The following STAP1 variants were observed in gnomAD, a reference collection of about 807,000 sequenced individuals.
STAP1 encodes the protein signal-transducing adaptor protein 1.
In STAP1, 30 loss-of-function variants were observed where a neutral mutation model predicts 37.8. The ratio of observed to expected loss-of-function variants is 0.79; its 90% CI spans 0.59 to 1.08. The LOEUF (loss-of-function observed/expected upper bound fraction) is 1.08. Among genes scored for constraint, STAP1 ranks in the 50% least tolerant of loss-of-function variants. STAP1 has a pLI of 0.00. For synonymous variants in STAP1, 130 were observed against 116.0 expected, an observed-to-expected ratio of 1.12 and a Z score of -0.78; for missense variants, 357 against 349.4, an observed-to-expected ratio of 1.02 and a Z score of -0.17.
rs1231022004 is a variant in STAP1, at chr4:67,581,362, G to T, written c.421G>T (p.Val141Phe). The T allele has an allele frequency of 6.2e-7, 1 of 1,613,980 alleles. No homozygotes were observed. Among genetic ancestry groups the T allele is most frequent in the African/African-American group, 1.3e-5 (1 of 74,922 alleles). The change falls in exon 5 of 9, where the codon GTC becomes TTC. Residue 141 changes from valine to phenylalanine, a missense_variant. Physicochemically the swap from Val to Phe is conservative, Grantham distance 50 (BLOSUM62 -1). Transcript: ENST00000265404. ...TGGGCAAGTAATTAAACTGCATGAA[G>T]TCCTAGAGAGAGAAAAGAAAAGGAG... ...LPGQVIKLHE[V>F]LEREKKRRIE...
chr4:67,578,611 G>A (rs1308568959), intron 4 of STAP1, among the ~76,000 whole-genome samples: 4 of 152,076 alleles, frequency 2.6e-5, no homozygotes, highest in Admixed American at 1.3e-4. Flanking sequence ...TTCCAATACC[G>A]GGTATAACTA....
rs781399546 is a variant in STAP1 at position 67,575,386 on chromosome 4, A to G, written c.194A>G (p.Tyr65Cys). The change falls in exon 3 of 9, where the codon TAT becomes TGT. Residue 65 changes from tyrosine (Y) to cysteine (C), a missense_variant and splice_region_variant. Coordinates refer to ENST00000265404, the MANE Select transcript of STAP1 (RefSeq NM_012108.4). Reference sequence around the variant, plus strand: ...TGTGATCTTCCTTTATCTTTGCAGTATGTTGACAAATTAGACATAGTAGAC... The same window carrying G: ...TGTGATCTTCCTTTATCTTTGCAGTGTGTTGACAAATTAGACATAGTAGAC... Reference protein sequence around the residue: ...FFYTDKKSIIYVDKLDIVDLT... With the variant: ...FFYTDKKSIICVDKLDIVDLT... The G allele has an allele frequency of 2.5e-6, 4 of 1,578,170 alleles. No homozygotes were observed. In the Admixed American group the frequency reaches 5.9e-5, roughly 23 times the overall value.
chr4:67,601,844 C>A (rs1212124579), intron 8 of STAP1, among the ~76,000 whole-genome samples: 1 of 152,094 alleles, frequency 6.6e-6, no homozygotes, highest in Non-Finnish European at 1.5e-5. Flanking sequence ...GTGAAATCTG[C>A]TTGGTGTTCT....
intron 1 of STAP1, among the ~76,000 whole-genome samples, chr4:67,570,262 G>A (rs184865155): frequency 2.3e-4 from 35 of 152,190 alleles, no homozygotes; most frequent in Admixed American, 1.4e-3. Flanking sequence ...ATTATTTACT[G>A]TACATAATTA....
Position 67,575,953 on chromosome 4 carries a change from C to A in STAP1, c.306+455C>A, listed in dbSNP as rs1387047824. 3.9e-5 allele frequency among the ~76,000 whole-genome samples: 6 copies of A among 152,158 alleles called. No individual in the cohort carries two copies. In the East Asian group the frequency reaches 9.6e-4, roughly 24 times the overall value. On this transcript the variant is annotated intron_variant, in intron 3 of 8. Coordinates refer to ENST00000265404, the MANE Select transcript of STAP1 (RefSeq NM_012108.4). ...CGCCTGTACTAAGGAGATCGGACCC[C>A]CATCCCCCAACTCAAAACCTATATT...
At chr4:67,597,783 TTTG>T (rs1352413329) in intron 8 of STAP1, among the ~76,000 whole-genome samples, 1 of 152,198 alleles carries the variant, frequency 6.6e-6, no homozygotes, top group Non-Finnish European at 1.5e-5. Flanking sequence ...TTTCTCCCAT[TTTG>T]AATGGCTGTA....
chr4:67,566,346 A>T (rs1727470965), intron 1 of STAP1, among the ~76,000 whole-genome samples: 1 of 152,156 alleles, frequency 6.6e-6, no homozygotes, highest in African/African-American at 2.4e-5. Flanking sequence ...ACAAATGAAG[A>T]TCAGTTAGTT....
At chr4:67,570,944 C>T (rs1727592152) in intron 1 of STAP1, 140 bp from the exon 2 acceptor site, 1 of 724,860 alleles carries the variant, frequency 1.4e-6, no homozygotes, top group Non-Finnish European at 2.4e-6. Context: ...TAAAATTAAG[C>T]TATAAAAATT....
chr4:67,587,619 G>A (rs902301608), intron 6 of STAP1, among the ~76,000 whole-genome samples: 12 of 152,016 alleles, frequency 7.9e-5, no homozygotes, highest in African/African-American at 2.9e-4. Flanking sequence ...GGAAGCAGTA[G>A]GAAATATTTA....
chr4:67,593,527 A>T (rs1387101406), intron 8 of STAP1, among the ~76,000 whole-genome samples, 171 bp downstream of exon 8: 1 of 152,224 alleles, frequency 6.6e-6, no homozygotes, highest in Non-Finnish European at 1.5e-5. Flanking sequence ...ATAGGAAAGT[A>T]CCAATATGTA....
intron 3 of STAP1, 138 bp from the exon 4 acceptor site, chr4:67,577,065 A>T: frequency 1.6e-6 from 1 of 614,784 alleles, no homozygotes; most frequent in South Asian, 3.5e-5. Context: ...AATATTTCAT[A>T]AAAAATACAC....
chr4:67,564,848 G>T (rs1460819513), intron 1 of STAP1, among the ~76,000 whole-genome samples: 1 of 152,180 alleles, frequency 6.6e-6, no homozygotes, highest in Non-Finnish European at 1.5e-5. Context: ...GGGAGGCAGA[G>T]GTTTCAGTGA....
chr4:67,571,848 AG>A (rs1727613011), intron 2 of STAP1, among the ~76,000 whole-genome samples: 1 of 152,268 alleles, frequency 6.6e-6, no homozygotes, highest in Admixed American at 6.5e-5. Flanking sequence ...CATCATTATT[AG>A]AAGCCAACAT....
chr4:67,569,982 CA>C (rs1727564091), intron 1 of STAP1, among the ~76,000 whole-genome samples: 1 of 152,158 alleles, frequency 6.6e-6, no homozygotes, highest in East Asian at 1.9e-4. Flanking sequence ...TCGCCCACCT[CA>C]GCCTCCCAAA....
intron 6 of STAP1, among the ~76,000 whole-genome samples, chr4:67,586,604 T>C (rs564559967): frequency 1.1e-4 from 17 of 152,316 alleles, no homozygotes; most frequent in African/African-American, 4.1e-4. Flanking sequence ...GTTGCAGATG[T>C]GGTGTGTGAC....
rs759803094 is a variant in STAP1, at chr4:67,593,294, AT to A, written c.768del (p.Phe256LeufsTer2). ...CCAAACCTTTTCAGTGTCATTGATTATTTTGTGAAGGAGACTCGAGGAAATT... is the reference window on the plus strand; with the variant it reads ...CCAAACCTTTTCAGTGTCATTGATTATTTGTGAAGGAGACTCGAGGAAATT... The part of the protein sequence containing the change: ...TLPNLFSVID[Y>X]FVKETRGNLR... On this transcript the variant is annotated frameshift_variant, in exon 8 of 9. Coordinates refer to ENST00000265404, the MANE Select transcript of STAP1 (RefSeq NM_012108.4). LOFTEE classifies it high-confidence loss of function. 1 of 1,613,468 alleles carries A rather than the reference AT, an allele frequency of 6.2e-7. No homozygotes were observed. The highest frequency in any genetic ancestry group is 1.7e-5 in the Admixed American group (1 of 59,934).
At chr4:67,583,403 A>G (rs182478820) in intron 5 of STAP1, among the ~76,000 whole-genome samples, 171 bp from the exon 6 acceptor site, 12 of 152,224 alleles carry the variant, frequency 7.9e-5, no homozygotes, top group Admixed American at 2.0e-4. Context: ...ACAGAGTGGC[A>G]CAGGCTTGTA....
At chr4:67,598,895 T>C (rs1182334900) in intron 8 of STAP1, among the ~76,000 whole-genome samples, 2 of 152,220 alleles carry the variant, frequency 1.3e-5, no homozygotes, top group East Asian at 1.9e-4. Flanking sequence ...CTTGGAGTAG[T>C]TCCATAGTTT....
rs76483281 is a variant in STAP1 at position 67,576,770 on chromosome 4, A to G, written c.307-433A>G. On this transcript the variant is annotated intron_variant, in intron 3 of 8. Transcript: ENST00000265404. ...CAGCCTCCCAAAGTGCTGAGACTACACGCATGAGCTACCAACCCTGACCTG... is the reference window on the plus strand; with the variant it reads ...CAGCCTCCCAAAGTGCTGAGACTACGCGCATGAGCTACCAACCCTGACCTG... Among the ~76,000 whole-genome samples the G allele has an allele frequency of 4.7e-3, 717 of 152,280 alleles. 7 individuals carry two copies. The highest frequency in any genetic ancestry group is 0.016 in the African/African-American group (664 of 41,548).
Sources: allele counts gnomAD v4.1 joint callset (sites outside exome capture counted in the v4.1 genomes callset), GRCh38; gene constraint gnomAD v4.1.1; transcripts MANE v1.5; gene names NCBI Gene and HGNC (gene_info 2026-07-23, HGNC 2026-07-21).